Variants in GSE1 observed in about 807,000 individuals in gnomAD.
GSE1 encodes Gse1 coiled-coil protein.
In GSE1, 32 loss-of-function variants were observed where a neutral mutation model predicts 112.6. The ratio of observed to expected loss-of-function variants is 0.28; its 90% CI spans 0.21 to 0.38. The LOEUF (loss-of-function observed/expected upper bound fraction) is 0.38. Among genes scored for constraint, GSE1 ranks in the 10% least tolerant of loss-of-function variants. The pLI is 1.00. For missense variants in GSE1, 2,348 were observed against 1,699.2 expected (o/e 1.38, Z -6.71); for synonymous variants, 1,115 against 735.6 (o/e 1.52, Z -8.35).
At chr16:85,191,165 C>T (rs970061756) in intron 1 of GSE1, among the ~76,000 whole-genome samples, 4 of 151,950 alleles carry the variant, frequency 2.6e-5, no homozygotes, top group East Asian at 1.9e-4. Context: ...GAGGCTGAGG[C>T]GGGAGAATTG....
chr16:85,249,779 C>T (rs527423598), intron 1 of GSE1, among the ~76,000 whole-genome samples: 4 of 152,350 alleles, frequency 2.6e-5, no homozygotes, highest in East Asian at 1.9e-4. Context: ...CTCACAGCTG[C>T]GTGCCCAAGT....
At chr16:85,322,143 G>A (rs1301003264) in intron 1 of GSE1, among the ~76,000 whole-genome samples, 1 of 152,276 alleles carries the variant, frequency 6.6e-6, no homozygotes, top group African/African-American at 2.4e-5. Flanking sequence ...GGCGCTCAGA[G>A]CAGTGTTGTT....
At chr16:85,171,373 G>T in exon 1 of GSE1, 1 of 985,654 alleles carries the variant, frequency 1.0e-6, no homozygotes, top group Non-Finnish European at 1.2e-6. Flanking sequence ...CAGCCGCTTG[G>T]GCGAGAAGGA....
intron 1 of GSE1, among the ~76,000 whole-genome samples, chr16:85,624,175 C>T (rs1363036897): frequency 6.6e-6 from 1 of 152,232 alleles, no homozygotes; most frequent in African/African-American, 2.4e-5. Flanking sequence ...GACCTCAGTG[C>T]CCGCCCTGGG....
At chr16:85,602,776 G>A (rs929541826) in intron 1 of GSE1, among the ~76,000 whole-genome samples, 1 of 152,178 alleles carries the variant, frequency 6.6e-6, no homozygotes, top group Non-Finnish European at 1.5e-5. Context: ...CCAAATTTCC[G>A]GTCCACTGGT....
intron 1 of GSE1, among the ~76,000 whole-genome samples, chr16:85,603,326 G>T (rs1938620329): frequency 6.6e-6 from 1 of 152,178 alleles, no homozygotes; most frequent in African/African-American, 2.4e-5. Flanking sequence ...AAAATGTGCT[G>T]GGTCATGACT....
At chr16:85,588,826 G>C (rs909247118) in intron 1 of GSE1, among the ~76,000 whole-genome samples, 9 of 152,120 alleles carry the variant, frequency 5.9e-5, no homozygotes, top group Non-Finnish European at 1.2e-4. Context: ...ATAAGCACCC[G>C]AGGCCTGCTG....
chr16:85,217,877 C>CT (rs201949629), intron 1 of GSE1, among the ~76,000 whole-genome samples: 7 of 151,644 alleles, frequency 4.6e-5, no homozygotes, highest in South Asian at 2.1e-4. Context: ...CCAGCCTCTT[C>CT]TTTTTTTTTC....
At chr16:85,282,146 G>C (rs1039582782) in intron 1 of GSE1, among the ~76,000 whole-genome samples, 2 of 151,890 alleles carry the variant, frequency 1.3e-5, no homozygotes, top group African/African-American at 4.8e-5. Context: ...TCCTGCCTCA[G>C]CCTCTCGAGT....
chr16:85,599,873 G>C (rs944443662), intron 1 of GSE1, among the ~76,000 whole-genome samples: 8 of 152,206 alleles, frequency 5.3e-5, no homozygotes, highest in Admixed American at 5.2e-4. Flanking sequence ...GCCAGCCTGG[G>C]CAACAGAGAC....
At chr16:85,270,078 C>G (rs1156711261) in intron 1 of GSE1, among the ~76,000 whole-genome samples, 2 of 149,210 alleles carry the variant, frequency 1.3e-5, no homozygotes, top group Non-Finnish European at 3.0e-5. Flanking sequence ...TCCTTCCATG[C>G]GGCTATGTTA....
intron 1 of GSE1, among the ~76,000 whole-genome samples, chr16:85,624,126 G>GC (rs1326617660): frequency 6.6e-6 from 1 of 152,132 alleles, no homozygotes; most frequent in African/African-American, 2.4e-5. Context: ...GCTGGCCCAT[G>GC]CCCCCCGGCC....
chr16:85,350,707 C>T (rs1477767993), intron 1 of GSE1, among the ~76,000 whole-genome samples: 1 of 152,218 alleles, frequency 6.6e-6, no homozygotes, highest in Non-Finnish European at 1.5e-5. Flanking sequence ...CTGCTATGTT[C>T]CAAGTGCCTT....
chr16:85,495,476 T>C (rs1197664419), intron 2 of GSE1, among the ~76,000 whole-genome samples: 3 of 147,306 alleles, frequency 2.0e-5, no homozygotes. Flanking sequence ...TTTATTTATT[T>C]GTGTATTTAT....
chr16:85,630,343 T>C (rs1043482821), intron 1 of GSE1, among the ~76,000 whole-genome samples: 2 of 152,206 alleles, frequency 1.3e-5, no homozygotes, highest in African/African-American at 2.4e-5. Context: ...ATGAAGACTT[T>C]ATAGACATTC....
chr16:85,229,045 C>T (rs546360849), intron 1 of GSE1, among the ~76,000 whole-genome samples: 2 of 152,346 alleles, frequency 1.3e-5, no homozygotes, highest in African/African-American at 4.8e-5. Context: ...GCGACACTCG[C>T]CATCCCCACC....
At chr16:85,506,601 G>T (rs909461614) in intron 2 of GSE1, among the ~76,000 whole-genome samples, 3 of 152,104 alleles carry the variant, frequency 2.0e-5, no homozygotes, top group Admixed American at 1.3e-4. Flanking sequence ...CCAGGTAGGG[G>T]AAAACGCACT....
chr16:85,273,379 TAGC>T (rs888204691), intron 1 of GSE1, among the ~76,000 whole-genome samples: 21 of 152,232 alleles, frequency 1.4e-4, no homozygotes, highest in African/African-American at 5.1e-4. Flanking sequence ...GCATTATGCA[TAGC>T]AGCCAAAAGG....
chr16:85,368,565 C>T (rs755366031), intron 2 of GSE1, among the ~76,000 whole-genome samples: 8 of 152,038 alleles, frequency 5.3e-5, no homozygotes, highest in Non-Finnish European at 7.4e-5. Flanking sequence ...ATTAGCTGGG[C>T]GTGGTGGTGC....
Sources: allele counts gnomAD v4.1 joint callset (sites outside exome capture counted in the v4.1 genomes callset), GRCh38; gene constraint gnomAD v4.1.1; transcripts MANE v1.5; gene names NCBI Gene and HGNC (gene_info 2026-07-23, HGNC 2026-07-21).